Variants in SERPINI2 observed in about 807,000 individuals in gnomAD.
The protein encoded by SERPINI2 is serpin I2.
In SERPINI2, 48 loss-of-function variants were observed where a neutral mutation model predicts 47.3. The observed-to-expected ratio is 1.02, with a 90% CI of 0.81 to 1.29. The LOEUF is 1.29. SERPINI2 is among the 50% of genes most tolerant of loss of function. The pLI, the probability that SERPINI2 is intolerant of heterozygous loss-of-function variation, is 0.00. For missense variants in SERPINI2, 448 were observed against 456.9 expected (o/e 0.98, Z 0.18); for synonymous variants, 135 against 149.3 (o/e 0.90, Z 0.70).
At chr3:167,455,540 T>C (rs1749761304) in intron 5 of SERPINI2, among the ~76,000 whole-genome samples, 1 of 148,532 alleles carries the variant, frequency 6.7e-6, no homozygotes, top group Non-Finnish European at 1.5e-5. Context: ...TGGGCTTGAA[T>C]CATTCTTGGT....
At chr3:167,468,505 G>T (rs374179037) in intron 2 of SERPINI2, among the ~76,000 whole-genome samples, 2 of 152,060 alleles carry the variant, frequency 1.3e-5, no homozygotes, top group East Asian at 3.9e-4. Flanking sequence ...TTGGCCTGGC[G>T]TTCTCACAGC....
upstream of SERPINI2, chr3:167,474,242 T>G: frequency 3.9e-6 from 2 of 514,700 alleles, no homozygotes; most frequent in Non-Finnish European, 5.0e-6. Context: ...TTATAGAATT[T>G]TTTAAAAGTA....
intron 2 of SERPINI2, among the ~76,000 whole-genome samples, chr3:167,471,126 G>A (rs573288622): frequency 2.0e-5 from 3 of 152,174 alleles, no homozygotes; most frequent in African/African-American, 7.2e-5. Context: ...GGCTAAGTAA[G>A]TAATGGTACT....
chr3:167,471,444 T>C, intron 2 of SERPINI2, 144 bp downstream of exon 2: 1 of 751,588 alleles, frequency 1.3e-6, no homozygotes, highest in Non-Finnish European at 2.0e-6. Flanking sequence ...GAAAATTACA[T>C]TTACAATTCT....
rs1749345944 is a variant in SERPINI2, at chr3:167,442,153, GA to G, written c.1173del (p.Pro392LeufsTer6). 2 of 1,598,784 alleles carry G rather than the reference GA, an allele frequency of 1.3e-6. No homozygotes were observed. The highest frequency in any genetic ancestry group is 2.7e-5 in the African/African-American group (2 of 74,142). ...CTTCCTTTTATCTCCTGGGTGTCAG[GA>G]TTTGTCACTCTTCCCATAAACAGAA... On this transcript the variant is annotated frameshift_variant, in exon 9 of 9. Transcript: ENST00000264677. LOFTEE classifies it high-confidence loss of function.
chr3:167,465,163 A>G, intron 5 of SERPINI2, 43 bp downstream of exon 5: 1 of 1,505,922 alleles, frequency 6.6e-7, no homozygotes, highest in Non-Finnish European at 9.0e-7. Context: ...TTCCTATGTG[A>G]GTGGAAACGT....
intron 7 of SERPINI2, 153 bp from the exon 8 acceptor site, chr3:167,446,634 G>T (rs1749487496): frequency 2.2e-6 from 1 of 460,860 alleles, no homozygotes; most frequent in Non-Finnish European, 3.8e-6. Context: ...AGAGGAATTT[G>T]CAATAAATTT....
chr3:167,445,191 G>C (rs1320954195), intron 8 of SERPINI2, among the ~76,000 whole-genome samples: 1 of 152,042 alleles, frequency 6.6e-6, no homozygotes, highest in African/African-American at 2.4e-5. Flanking sequence ...GTTTCATGGA[G>C]CCAAAAAAGA....
At chr3:167,461,632 A>T (rs1358170815) in intron 5 of SERPINI2, among the ~76,000 whole-genome samples, 10 of 148,920 alleles carry the variant, frequency 6.7e-5, no homozygotes, top group African/African-American at 2.5e-4. Context: ...TTTTTTGGAG[A>T]TAGGGTCTCG....
chr3:167,455,140 C>CTTAA (rs1452785702), intron 5 of SERPINI2, among the ~76,000 whole-genome samples: 3 of 152,108 alleles, frequency 2.0e-5, no homozygotes, highest in African/African-American at 4.8e-5. Context: ...TTCCCTTTTC[C>CTTAA]TTAATCCTCC....
upstream of SERPINI2, among the ~76,000 whole-genome samples, chr3:167,476,496 G>A (rs1438185051): frequency 6.6e-6 from 1 of 152,020 alleles, no homozygotes. Context: ...TGGAATTAGA[G>A]TTACAGCATA....
chr3:167,469,622 G>T (rs12489382), intron 2 of SERPINI2: 2 of 151,948 alleles, frequency 1.3e-5, no homozygotes, highest in Non-Finnish European at 2.9e-5. Context: ...CCTTTGATTC[G>T]TCATCAGCAT....
At chr3:167,446,457 C>T (rs768559343) in exon 8 of SERPINI2, 1 of 1,607,992 alleles carries the variant, frequency 6.2e-7, no homozygotes, top group East Asian at 2.2e-5. Flanking sequence ...TTGAGCCAGA[C>T]TCATGATCAC....
At chr3:167,471,082 T>A (rs945815205) in intron 2 of SERPINI2, among the ~76,000 whole-genome samples, 11 of 152,178 alleles carry the variant, frequency 7.2e-5, no homozygotes, top group African/African-American at 2.7e-4. Context: ...GCATTTTTTT[T>A]AAGAGAAATG....
chr3:167,445,466 T>C (rs553863599), intron 8 of SERPINI2, among the ~76,000 whole-genome samples: 2 of 152,348 alleles, frequency 1.3e-5, no homozygotes, highest in South Asian at 4.1e-4. Flanking sequence ...TCAAATAAGA[T>C]ATAGGGAAAA....
chr3:167,448,884 G>A (rs1749560411), intron 7 of SERPINI2, among the ~76,000 whole-genome samples: 1 of 152,152 alleles, frequency 6.6e-6, no homozygotes, highest in African/African-American at 2.4e-5. Context: ...AAGTTTGAGA[G>A]CCACTGCCAC....
At chr3:167,447,217 A>T (rs1010931255) in intron 7 of SERPINI2, among the ~76,000 whole-genome samples, 6 of 152,202 alleles carry the variant, frequency 3.9e-5, no homozygotes, top group African/African-American at 1.4e-4. Context: ...GAAAAATAAA[A>T]TCACTATGTA....
intron 5 of SERPINI2, among the ~76,000 whole-genome samples, chr3:167,457,651 A>AT (rs2108161295): frequency 6.6e-6 from 1 of 152,318 alleles, no homozygotes. Context: ...AATAGCTACT[A>AT]TTTTTTATAT....
upstream of SERPINI2, among the ~76,000 whole-genome samples, chr3:167,476,647 GA>G (rs547340871): frequency 1.3e-5 from 2 of 151,984 alleles, no homozygotes; most frequent in Non-Finnish European, 2.9e-5. Context: ...AATTAGACTG[GA>G]AAAAATATGC....
Sources: gnomAD v4.1 joint callset for allele counts (sites outside exome capture counted in the v4.1 genomes callset) on GRCh38, gnomAD v4.1.1 for gene constraint, MANE v1.5 for transcripts, NCBI Gene and HGNC (gene_info 2026-07-23, HGNC 2026-07-21) for gene names.